The following CNTNAP4 variants were observed in gnomAD, a reference collection of about 807,000 sequenced individuals.
The protein encoded by CNTNAP4 is contactin associated protein family member 4.
Under a neutral mutation model 148.4 loss-of-function variants are expected in CNTNAP4, and 98 were observed. The ratio of observed to expected loss-of-function variants is 0.66; its 90% CI spans 0.56 to 0.78. CNTNAP4 has a LOEUF of 0.78. Among genes scored for constraint, CNTNAP4 ranks in the 30% least tolerant of loss-of-function variants. The pLI is 0.00. For missense variants in CNTNAP4, 1,935 were observed against 1,565.6 expected (o/e 1.24, Z -3.98); for synonymous variants, 730 against 565.1 (o/e 1.29, Z -4.14).
intron 3 of CNTNAP4, among the ~76,000 whole-genome samples, chr16:76,381,310 A>G (rs752128493): frequency 1.3e-5 from 2 of 152,180 alleles, no homozygotes; most frequent in Non-Finnish European, 2.9e-5. Context: ...GAAACCTGAC[A>G]TTGAACCATC....
intron 15 of CNTNAP4, among the ~76,000 whole-genome samples, chr16:76,501,000 T>A (rs1049317325): frequency 3.3e-5 from 5 of 152,156 alleles, no homozygotes; most frequent in African/African-American, 9.7e-5. Context: ...TAAGAGGGAA[T>A]CTGATAATTC....
At chr16:76,537,991 C>A in intron 18 of CNTNAP4, 125 bp from the exon 19 acceptor site, 1 of 362,416 alleles carries the variant, frequency 2.8e-6, no homozygotes, top group Non-Finnish European at 4.8e-6. Flanking sequence ...TTATTTGATT[C>A]TATTTTGGGG....
At chr16:76,494,443 T>C (rs1329238414) in intron 13 of CNTNAP4, among the ~76,000 whole-genome samples, 3 of 152,198 alleles carry the variant, frequency 2.0e-5, no homozygotes, top group Admixed American at 1.3e-4. Flanking sequence ...AGGATATTTT[T>C]AGAGAATAAA....
chr16:76,476,511 G>C (rs1322328741), intron 11 of CNTNAP4, among the ~76,000 whole-genome samples: 1 of 152,176 alleles, frequency 6.6e-6, no homozygotes, highest in African/African-American at 2.4e-5. Flanking sequence ...AGATGCCATA[G>C]TCTGTTTGGA....
intron 3 of CNTNAP4, among the ~76,000 whole-genome samples, chr16:76,390,871 A>C (rs1477598302): frequency 2.0e-5 from 3 of 151,964 alleles, no homozygotes; most frequent in Non-Finnish European, 4.4e-5. Flanking sequence ...CTTTTTTAAA[A>C]AATTTTTTGT....
chr16:76,404,080 A>AT (rs2078514438), intron 3 of CNTNAP4, among the ~76,000 whole-genome samples: 1 of 152,172 alleles, frequency 6.6e-6, no homozygotes, highest in Admixed American at 6.5e-5. Flanking sequence ...GAGCAGAAAA[A>AT]TTAACTATTG....
intron 15 of CNTNAP4, among the ~76,000 whole-genome samples, chr16:76,500,245 C>T (rs958680450): frequency 5.3e-5 from 8 of 152,152 alleles, no homozygotes; most frequent in East Asian, 1.9e-4. Context: ...CCCCACCTTC[C>T]GGACGGGGCG....
intron 3 of CNTNAP4, among the ~76,000 whole-genome samples, chr16:76,384,287 C>T (rs1316383058): frequency 2.0e-5 from 3 of 151,986 alleles, no homozygotes; most frequent in South Asian, 4.1e-4. Flanking sequence ...TGTGATCCAC[C>T]CACCTCGGCC....
chr16:76,306,506 T>C (rs570847371), intron 1 of CNTNAP4, among the ~76,000 whole-genome samples: 9 of 152,300 alleles, frequency 5.9e-5, no homozygotes, highest in African/African-American at 2.2e-4. Flanking sequence ...GGACCAGTTA[T>C]AGAAAGCAAA....
intron 3 of CNTNAP4, among the ~76,000 whole-genome samples, chr16:76,403,794 C>T (rs1362292695): frequency 6.6e-6 from 1 of 152,142 alleles, no homozygotes; most frequent in Non-Finnish European, 1.5e-5. Flanking sequence ...ATGGAATCAA[C>T]ATAAATGCCC....
rs1410044795 is a variant in CNTNAP4 at position 76,491,717 on chromosome 16, AAG to A, written c.2080+1840_2080+1841del. On this transcript the variant is annotated intron_variant, in intron 13 of 23. Coordinates refer to ENST00000611870, the MANE Select transcript of CNTNAP4 (RefSeq NM_033401.5). ...ATGAACTCAGGTCATTTATGTGGAA[AAG>A]AGAGATAAAAGAAGGTCATGCAGTA... Among the ~76,000 whole-genome samples, 8 of 152,320 alleles carry A rather than the reference AAG, an allele frequency of 5.3e-5. No homozygotes were observed. In the East Asian group the frequency reaches 5.8e-4, roughly 11 times the overall value.
At chr16:76,389,296 A>G (rs1239207309) in intron 3 of CNTNAP4, among the ~76,000 whole-genome samples, 1 of 152,208 alleles carries the variant, frequency 6.6e-6, no homozygotes, top group African/African-American at 2.4e-5. Flanking sequence ...ACACGTATCA[A>G]CTAAGGCATC....
At chr16:76,319,281 A>G (rs988861858) in intron 2 of CNTNAP4, among the ~76,000 whole-genome samples, 1 of 152,030 alleles carries the variant, frequency 6.6e-6, no homozygotes, top group East Asian at 1.9e-4. Context: ...GGTCCTAGCT[A>G]TCCAGGAGGC....
chr16:76,528,024 G>A (rs1360942475), intron 17 of CNTNAP4, among the ~76,000 whole-genome samples: 1 of 151,912 alleles, frequency 6.6e-6, no homozygotes, highest in African/African-American at 2.4e-5. Context: ...AACAAATTTG[G>A]TAGAACCCTA....
At position 76,398,630 on chromosome 16, in the gene CNTNAP4, A is replaced by C. The variant is rs1041247019; in HGVS notation, c.391-28822A>C. ...AATACTAAAAATTTTACTACATAACATGAGGGGTGCCGTCAAAGAGTTATA... is the reference window on the plus strand; with the variant it reads ...AATACTAAAAATTTTACTACATAACCTGAGGGGTGCCGTCAAAGAGTTATA... On this transcript the variant is annotated intron_variant, in intron 3 of 23. Transcript: ENST00000611870. Among the ~76,000 whole-genome samples, 15 of 152,222 alleles carry C rather than the reference A, an allele frequency of 9.9e-5. 2 individuals are homozygous for C. In the East Asian group the frequency reaches 2.7e-3, roughly 28 times the overall value.
At chr16:76,351,197 A>T (rs1287957196) in intron 2 of CNTNAP4, among the ~76,000 whole-genome samples, 1 of 152,192 alleles carries the variant, frequency 6.6e-6, no homozygotes, top group African/African-American at 2.4e-5. Flanking sequence ...TACAGAGTTT[A>T]TAATTTGCTG....
At chr16:76,316,639 G>A in intron 2 of CNTNAP4, 116 bp downstream of exon 2, 1 of 707,760 alleles carries the variant, frequency 1.4e-6, no homozygotes, top group Non-Finnish European at 2.5e-6. Flanking sequence ...TTCGAAATAA[G>A]CAAATGGTTA....
At chr16:76,386,893 G>A (rs1046464236) in intron 3 of CNTNAP4, among the ~76,000 whole-genome samples, 4 of 152,220 alleles carry the variant, frequency 2.6e-5, no homozygotes, top group African/African-American at 9.6e-5. Context: ...CAGAGGGAGA[G>A]GAGGCTGTGG....
intron 3 of CNTNAP4, among the ~76,000 whole-genome samples, chr16:76,391,794 T>A (rs961383183): frequency 5.9e-5 from 9 of 152,268 alleles, no homozygotes; most frequent in Middle Eastern, 3.4e-3. Context: ...GAGACAAAAC[T>A]TGTTAGAAAT....
Sources: allele counts gnomAD v4.1 joint callset (sites outside exome capture counted in the v4.1 genomes callset), GRCh38; gene constraint gnomAD v4.1.1; transcripts MANE v1.5; gene names NCBI Gene and HGNC (gene_info 2026-07-23, HGNC 2026-07-21).